The following PDCD6 variants were observed in gnomAD, a reference collection of about 807,000 sequenced individuals.
The protein encoded by PDCD6 is programmed cell death protein 6.
In PDCD6, 12 loss-of-function variants were observed where a neutral mutation model predicts 28.3. The observed-to-expected ratio is 0.42, with a 90% CI of 0.27 to 0.69. PDCD6 has a LOEUF of 0.69. PDCD6 is among the 30% of genes least tolerant of loss of function. PDCD6 has a pLI of 0.22. For synonymous variants in PDCD6, 92 were observed against 108.0 expected (o/e 0.85, Z 0.92); for missense variants, 226 against 269.9 (o/e 0.84, Z 1.14).
chr5:299,738 A>G (rs1240456694), intron 2 of PDCD6, among the ~76,000 whole-genome samples: 3 of 152,042 alleles, frequency 2.0e-5, no homozygotes, highest in East Asian at 3.9e-4. Flanking sequence ...TTTAGTAGAG[A>G]TGGGGTTTCA....
At chr5:299,864 A>AT (rs1015671387) in intron 2 of PDCD6, among the ~76,000 whole-genome samples, 5 of 144,680 alleles carry the variant, frequency 3.5e-5, no homozygotes, top group Middle Eastern at 3.5e-3. Flanking sequence ...TTTTTTTTTT[A>AT]TTTTTTTATC....
In PDCD6 at chr5:295,134, A is replaced by C. The variant is rs376539080; in HGVS notation, c.164-9043A>C. On this transcript the variant is annotated intron_variant, in intron 2 of 5. Transcript: ENST00000264933. ...CACTAGCTTCAGTACACGCAGACTG[A>C]AGGAGGAAGGCTGCCACAAGTCAAA... Among the ~76,000 whole-genome samples, 19 of 152,296 alleles carry C rather than the reference A, an allele frequency of 1.2e-4. No individual in the cohort carries two copies. In the South Asian group the frequency reaches 3.5e-3, roughly 28 times the overall value.
intron 2 of PDCD6, among the ~76,000 whole-genome samples, chr5:278,072 C>T (rs1475031369): frequency 1.3e-5 from 2 of 152,190 alleles, no homozygotes; most frequent in Admixed American, 1.3e-4. Flanking sequence ...TGGTGGGCAC[C>T]ACCTGCTCCC....
At position 305,696 on chromosome 5, in the gene PDCD6, G is replaced by C. The variant is rs1740432742; in HGVS notation, c.209-906G>C. ...ACACACACTGCACACATCGTGGAAT[G>C]GTCGTATGAAAAACAGCCCCTGGTC... On this transcript the variant is annotated intron_variant, in intron 3 of 5. Transcript: ENST00000264933. This position sits in a 1 kb window ranked among gnomAD's most constrained non-coding sequence, Gnocchi z 4.0. 6.6e-6 allele frequency: 1 copy of C among 152,220 alleles called. No homozygotes were observed. Among genetic ancestry groups the C allele is most frequent in the Non-Finnish European group, 1.5e-5 (1 of 68,060 alleles). The allele number at this position is 152,220 out of a possible 1,614,324, so 9.4% of individuals were successfully genotyped here.
At chr5:312,982 C>T (rs1402547529) in intron 5 of PDCD6, among the ~76,000 whole-genome samples, 1 of 152,232 alleles carries the variant, frequency 6.6e-6, no homozygotes, top group African/African-American at 2.4e-5. Context: ...TGTGAGCTTT[C>T]GGTAGCTGGA....
rs569179618 is a variant in PDCD6 at position 307,244 on chromosome 5, C to A, written c.367+484C>A. The stretch of plus-strand genomic sequence containing the variant: ...GTGTGCTCGGCGTGTGTGTGCTCGG[C>A]GTGTGTGTGCTCGGCGTGTGTGTGC... On this transcript the variant is annotated intron_variant, in intron 4 of 5. Coordinates refer to ENST00000264933, the MANE Select transcript of PDCD6 (RefSeq NM_013232.4). This position sits in a 1 kb window ranked among gnomAD's most constrained non-coding sequence, Gnocchi z 6.1. Among the ~76,000 whole-genome samples, 1 of 120,074 alleles carries A rather than the reference C, an allele frequency of 8.3e-6. No individual in the cohort carries two copies. The highest frequency in any genetic ancestry group is 1.7e-5 in the Non-Finnish European group (1 of 59,334). The allele number at this position is 120,074 out of a possible 152,430, so 78.8% of individuals were successfully genotyped here.
At chr5:296,951 C>T (rs2943345) in intron 2 of PDCD6, among the ~76,000 whole-genome samples, 102,369 of 147,582 alleles carry the variant, frequency 0.69, 34,536 homozygotes, top group Non-Finnish European at 0.72. Flanking sequence ...AATCTCATCT[C>T]AAGTTCTCTG....
intron 2 of PDCD6, among the ~76,000 whole-genome samples, chr5:287,397 G>A (rs1739038456): frequency 1.3e-5 from 2 of 152,148 alleles, no homozygotes; most frequent in African/African-American, 4.8e-5. Context: ...TTAAGCCTGG[G>A]AGCTTCTCAG....
intron 2 of PDCD6, among the ~76,000 whole-genome samples, chr5:291,756 T>A (rs1398149929): frequency 6.6e-6 from 1 of 152,226 alleles, no homozygotes; most frequent in Non-Finnish European, 1.5e-5. Context: ...TGCTGCGTGA[T>A]CTCCCATCGT....
chr5:286,096 G>GT (rs1362433769), intron 2 of PDCD6, among the ~76,000 whole-genome samples: 89 of 151,312 alleles, frequency 5.9e-4, no homozygotes, highest in African/African-American at 2.0e-3. Flanking sequence ...GAGGACCCAG[G>GT]GGGGAGCTGA....
rs1561043930 is a variant in PDCD6, at chr5:299,011, T to TCCCTAGCTGCTCCCCCCCAGCTGCTCCC, written c.164-5163_164-5162insTAGCTGCTCCCCCCCAGCTGCTCCCCCC. On this transcript the variant is annotated intron_variant, in intron 2 of 5. Coordinates refer to ENST00000264933, the MANE Select transcript of PDCD6 (RefSeq NM_013232.4). ...CCAGCTGCTCCCCACTAGCTGCTCC[T>TCCCTAGCTGCTCCCCCCCAGCTGCTCCC]CCCCAGCTGCTCCCCCCCAGCCGCT... Among the ~76,000 whole-genome samples, 2 of 1,928 alleles carry TCCCTAGCTGCTCCCCCCCAGCTGCTCCC rather than the reference T, an allele frequency of 1.0e-3. 1 individual carries two copies. Among genetic ancestry groups the TCCCTAGCTGCTCCCCCCCAGCTGCTCCC allele is most frequent in the African/African-American group, 6.9e-3 (2 of 290 alleles). 1.3% of individuals were successfully genotyped at this position (1,928 alleles called of 152,430 possible).
At chr5:309,592 G>A (rs932737419) in intron 4 of PDCD6, 34 of 227,078 alleles carry the variant, frequency 1.5e-4, no homozygotes, top group African/African-American at 8.0e-4. Flanking sequence ...AGTGATGGCC[G>A]CCGTCCCCGT....
At chr5:271,912 C>T (rs1579465068) in intron 1 of PDCD6, 91 bp downstream of exon 1, 1 of 622,808 alleles carries the variant, frequency 1.6e-6, no homozygotes, top group Non-Finnish European at 2.4e-6. Flanking sequence ...CGTTCCCTGC[C>T]GGTTCTACTG....
At chr5:306,786 A>C in intron 4 of PDCD6, 26 bp downstream of exon 4, 2 of 1,601,688 alleles carry the variant, frequency 1.2e-6, no homozygotes, top group Non-Finnish European at 1.7e-6. Flanking sequence ...TGGCTTGTGT[A>C]GCGTGTTTCA....
chr5:303,586 C>T lies in PDCD6; in HGVS notation c.164-591C>T, dbSNP rs559695609. ...AAGGAAAATCATATAAAGCCCAGAC[C>T]GTAATTTGTCAGGAATGTTTGAAGT... On this transcript the variant is annotated intron_variant, in intron 2 of 5. Coordinates refer to ENST00000264933, the MANE Select transcript of PDCD6 (RefSeq NM_013232.4). 5.9e-5 allele frequency among the ~76,000 whole-genome samples: 9 copies of T among 151,748 alleles called. No individual in the cohort carries two copies. The South Asian group carries it at 6.3e-4, about 11-fold the overall frequency.
intron 2 of PDCD6, among the ~76,000 whole-genome samples, chr5:290,905 T>G (rs1349920023): frequency 4.6e-5 from 7 of 152,224 alleles, no homozygotes; most frequent in Non-Finnish European, 1.0e-4. Flanking sequence ...ATCTGCCACC[T>G]TGCTATTGAA....
intron 2 of PDCD6, among the ~76,000 whole-genome samples, chr5:298,259 T>C (rs1161904611): frequency 2.0e-5 from 3 of 152,082 alleles, no homozygotes; most frequent in Admixed American, 6.5e-5. Context: ...CTCTTGGGCT[T>C]TGAAGATCAT....
intron 5 of PDCD6, among the ~76,000 whole-genome samples, chr5:313,368 A>G (rs1741048510): frequency 2.0e-5 from 3 of 152,274 alleles, no homozygotes. Flanking sequence ...TTACTCTTTA[A>G]GCCAGCATTA....
chr5:288,509 A>T (rs939496316), intron 2 of PDCD6, among the ~76,000 whole-genome samples: 2 of 151,588 alleles, frequency 1.3e-5, no homozygotes, highest in African/African-American at 4.8e-5. Context: ...AATCTCAAAA[A>T]ACTTTTCAAA....
Sources: gnomAD v4.1 joint callset for allele counts (sites outside exome capture counted in the v4.1 genomes callset) on GRCh38, gnomAD v4.1.1 for gene constraint, Gnocchi (gnomAD v3.1) non-coding constraint, MANE v1.5 for transcripts, NCBI Gene and HGNC (gene_info 2026-07-23, HGNC 2026-07-21) for gene names.